ROBO2: variants seen among roughly 807,000 people sequenced by gnomAD.
The protein encoded by ROBO2 is roundabout homolog 2.
In ROBO2, 53 loss-of-function variants were observed where a neutral mutation model predicts 160.8. That is an observed-to-expected ratio of 0.33 (90% CI 0.26 to 0.41). The LOEUF is 0.41. Among genes scored for constraint, ROBO2 ranks in the 10% least tolerant of loss-of-function variants. ROBO2 has a pLI of 1.00. For missense variants in ROBO2, 1,577 were observed against 1,722.4 expected (o/e 0.92, Z 1.49); for synonymous variants, 664 against 611.7 (o/e 1.09, Z -1.26).
At chr3:77,133,505 G>A (rs912172868) in intron 2 of ROBO2, among the ~76,000 whole-genome samples, 9 of 152,202 alleles carry the variant, frequency 5.9e-5, no homozygotes, top group African/African-American at 1.7e-4. Context: ...TGAAATCTAC[G>A]TATAAAACAA....
intron 2 of ROBO2, among the ~76,000 whole-genome samples, chr3:76,207,468 T>C (rs1357336995): frequency 6.6e-6 from 1 of 152,170 alleles, no homozygotes; most frequent in Non-Finnish European, 1.5e-5. Flanking sequence ...ATCTTTAAAT[T>C]AATTTGATGT....
intron 2 of ROBO2, among the ~76,000 whole-genome samples, chr3:75,992,438 C>T (rs934049309): frequency 6.6e-6 from 1 of 152,110 alleles, no homozygotes; most frequent in African/African-American, 2.4e-5. Context: ...GTTGAGCCTG[C>T]GGGTGCACAA....
intron 2 of ROBO2, among the ~76,000 whole-genome samples, chr3:75,965,496 A>G (rs112463619): frequency 3.4e-3 from 15 of 4,472 alleles, no homozygotes; most frequent in South Asian, 0.071. Context: ...CTTTGTGATT[A>G]GTGTAATTGT....
At chr3:76,134,324 G>T (rs2071346242) in intron 2 of ROBO2, among the ~76,000 whole-genome samples, 1 of 151,886 alleles carries the variant, frequency 6.6e-6, no homozygotes, top group Non-Finnish European at 1.5e-5. Context: ...AACTGGGGCA[G>T]ACACACCCAG....
chr3:76,891,625 A>G (rs1185935202), intron 2 of ROBO2, among the ~76,000 whole-genome samples: 4 of 152,184 alleles, frequency 2.6e-5, no homozygotes, highest in African/African-American at 9.6e-5. Context: ...GATAACAAAA[A>G]CAAGAACTGT....
chr3:76,214,814 G>C (rs1346442064), intron 2 of ROBO2, among the ~76,000 whole-genome samples: 1 of 152,186 alleles, frequency 6.6e-6, no homozygotes, highest in Non-Finnish European at 1.5e-5. Flanking sequence ...GAAGAGAGAA[G>C]TCGTTCTCCC....
chr3:76,075,710 G>T (rs2068626034), intron 2 of ROBO2, among the ~76,000 whole-genome samples: 1 of 152,056 alleles, frequency 6.6e-6, no homozygotes, highest in Non-Finnish European at 1.5e-5. Context: ...TTCCTTAATG[G>T]CTCCCATGAG....
chr3:76,496,971 A>G (rs1336810434), intron 2 of ROBO2, among the ~76,000 whole-genome samples: 1 of 152,156 alleles, frequency 6.6e-6, no homozygotes, highest in African/African-American at 2.4e-5. Context: ...AGTTCATGCA[A>G]TTTATGGCTC....
At chr3:77,526,386 T>G (rs1055895258) in intron 6 of ROBO2, among the ~76,000 whole-genome samples, 2 of 151,516 alleles carry the variant, frequency 1.3e-5, no homozygotes, top group South Asian at 2.1e-4. Context: ...ACATTACATA[T>G]GCACTAGAGC....
intron 2 of ROBO2, among the ~76,000 whole-genome samples, chr3:76,563,641 T>G (rs2084336218): frequency 6.6e-6 from 1 of 152,160 alleles, no homozygotes; most frequent in Non-Finnish European, 1.5e-5. Context: ...AAGTTTGTAA[T>G]GTGCCTGCAT....
intron 2 of ROBO2, among the ~76,000 whole-genome samples, chr3:76,644,354 C>T (rs2090860066): frequency 6.6e-6 from 1 of 152,088 alleles, no homozygotes; most frequent in Non-Finnish European, 1.5e-5. Flanking sequence ...CAAAAATATG[C>T]TTAGACATAT....
chr3:76,151,052 C>T (rs181420693), intron 2 of ROBO2, among the ~76,000 whole-genome samples: 4 of 152,222 alleles, frequency 2.6e-5, no homozygotes, highest in Non-Finnish European at 4.4e-5. Context: ...TGTGTCTTCC[C>T]TCTTCACTAT....
At chr3:77,636,093 C>T (rs548287386) in intron 24 of ROBO2, among the ~76,000 whole-genome samples, 13 of 152,066 alleles carry the variant, frequency 8.5e-5, no homozygotes, top group Admixed American at 4.6e-4. Context: ...GAATCACCTG[C>T]CAAAGGCCCC....
intron 2 of ROBO2, among the ~76,000 whole-genome samples, chr3:76,845,686 A>T (rs904288703): frequency 1.3e-5 from 2 of 151,952 alleles, no homozygotes; most frequent in Non-Finnish European, 2.9e-5. Flanking sequence ...AGTGCTTTAT[A>T]CTTTCTTCAA....
intron 2 of ROBO2, among the ~76,000 whole-genome samples, chr3:76,421,347 C>A (rs1015009826): frequency 1.3e-5 from 2 of 152,182 alleles, no homozygotes; most frequent in Admixed American, 6.5e-5. Flanking sequence ...TTCAACATGC[C>A]TATTGAAATC....
chr3:76,285,823 T>C (rs1708479025), intron 2 of ROBO2, among the ~76,000 whole-genome samples: 1 of 152,216 alleles, frequency 6.6e-6, no homozygotes, highest in African/African-American at 2.4e-5. Flanking sequence ...CAGCATCTTC[T>C]CTATTTTCTT....
rs1343648585 is a variant in ROBO2 at position 76,622,235 on chromosome 3, G to GAAAGAAAGAAAGAAAGAAGGA, written c.110-475777_110-475776insAGAAAGAAAGAAAGAAGGAAA. 1.8e-4 allele frequency among the ~76,000 whole-genome samples: 8 copies of GAAAGAAAGAAAGAAAGAAGGA among 44,790 alleles called. 1 individual carries two copies. The highest frequency in any genetic ancestry group is 3.0e-4 in the Non-Finnish European group (7 of 23,642). 29.4% of individuals were successfully genotyped at this position (44,790 alleles called of 152,430 possible). On this transcript the variant is annotated intron_variant, in intron 2 of 26. Coordinates refer to the ROBO2 transcript ENST00000487694. The stretch of plus-strand genomic sequence containing the variant: ...GGAAGGAAGGAAGGAAGGAAGGAAG[G>GAAAGAAAGAAAGAAAGAAGGA]AAGAAAGAAAGAAAGAAAGAAAGAA...
intron 2 of ROBO2, among the ~76,000 whole-genome samples, chr3:76,933,835 G>A (rs1221743251): frequency 1.3e-5 from 2 of 152,168 alleles, no homozygotes; most frequent in Non-Finnish European, 2.9e-5. Flanking sequence ...TATTATAACT[G>A]CACTCTAATA....
At chr3:77,421,885 A>T (rs1338578509) in intron 2 of ROBO2, among the ~76,000 whole-genome samples, 1 of 152,196 alleles carries the variant, frequency 6.6e-6, no homozygotes, top group Non-Finnish European at 1.5e-5. Context: ...AAAAAACAAG[A>T]TCTGCTGTCT....
Sources: gnomAD v4.1 joint callset for allele counts (sites outside exome capture counted in the v4.1 genomes callset) on GRCh38, gnomAD v4.1.1 for gene constraint, MANE v1.5 for transcripts, NCBI Gene and HGNC (gene_info 2026-07-23, HGNC 2026-07-21) for gene names.